NRG1: variants seen among roughly 807,000 people sequenced by gnomAD.
The protein encoded by NRG1 is neuregulin 1.
Under a neutral mutation model 63.8 loss-of-function variants are expected in NRG1, and 18 were observed. The observed-to-expected ratio is 0.28, with a 90% CI of 0.19 to 0.42. NRG1 has a LOEUF of 0.42. NRG1 is among the 10% of genes least tolerant of loss of function. The pLI is 1.00. For missense variants in NRG1, 762 were observed against 814.7 expected (o/e 0.94, Z 0.79); for synonymous variants, 302 against 301.3 (o/e 1.00, Z -0.02).
At position 31,934,285 on chromosome 8, in the gene NRG1, C is replaced by A. The variant is rs192783864; in HGVS notation, c.37+294854C>A. Among the ~76,000 whole-genome samples, 428 of 151,788 alleles carry A rather than the reference C, an allele frequency of 2.8e-3. 1 individual carries two copies. Among genetic ancestry groups the A allele is most frequent in the African/African-American group, 9.9e-3 (410 of 41,388 alleles). On this transcript the variant is annotated intron_variant, in intron 1 of 10. Transcript: ENST00000519301. ...GAGAAAGGAGCTTATTACAAATATTCATAGATGTGATATATATGTGTACAT... is the reference window on the plus strand; with the variant it reads ...GAGAAAGGAGCTTATTACAAATATTAATAGATGTGATATATATGTGTACAT...
intron 1 of NRG1, among the ~76,000 whole-genome samples, chr8:32,271,843 G>T (rs1217820552): frequency 6.6e-6 from 1 of 152,140 alleles, no homozygotes; most frequent in Non-Finnish European, 1.5e-5. Context: ...CTAGGAGTCA[G>T]AAAAGGCCCT....
intron 1 of NRG1, among the ~76,000 whole-genome samples, chr8:31,767,410 TC>T (rs1243350319): frequency 6.6e-6 from 1 of 152,222 alleles, no homozygotes; most frequent in Admixed American, 6.5e-5. Flanking sequence ...TTTTCTAATA[TC>T]CCAGTGTTGT....
chr8:31,991,533 G>A (rs1225453281), intron 1 of NRG1, among the ~76,000 whole-genome samples: 1 of 151,866 alleles, frequency 6.6e-6, no homozygotes, highest in Admixed American at 6.6e-5. Flanking sequence ...TTTAATACAA[G>A]TGTGTTAATA....
At chr8:31,733,494 A>G (rs180757387) in intron 1 of NRG1, among the ~76,000 whole-genome samples, 44 of 152,322 alleles carry the variant, frequency 2.9e-4, no homozygotes, top group Middle Eastern at 3.4e-3. Context: ...GTTCTTTCCC[A>G]GAGGCTACAG....
In NRG1 at chr8:31,873,315, C is replaced by CTT. The variant is rs1242745972; in HGVS notation, c.37+233886_37+233887dup. Among the ~76,000 whole-genome samples, 4 of 152,232 alleles carry CTT rather than the reference C, an allele frequency of 2.6e-5. No homozygotes were observed. The East Asian group carries it at 7.7e-4, about 29-fold the overall frequency. ...ATGGCTCATGCCTGTAATTGTAGCA[C>CTT]TTTGGGAGGCTGATGTGGGTGGATC... On this transcript the variant is annotated intron_variant, in intron 1 of 10. Transcript: ENST00000519301.
intron 1 of NRG1, among the ~76,000 whole-genome samples, chr8:32,566,886 C>T (rs185249191): frequency 6.6e-6 from 1 of 152,220 alleles, no homozygotes; most frequent in Non-Finnish European, 1.5e-5. Flanking sequence ...CATGGTCTTG[C>T]TCTGTGGCCC....
chr8:32,740,413 C>T (rs1826043236), intron 6 of NRG1, among the ~76,000 whole-genome samples: 1 of 152,008 alleles, frequency 6.6e-6, no homozygotes, highest in African/African-American at 2.4e-5. Flanking sequence ...CCAGGCTGGT[C>T]TCAAACACCT....
chr8:31,703,755 G>A (rs995711810), intron 1 of NRG1, among the ~76,000 whole-genome samples: 1 of 152,058 alleles, frequency 6.6e-6, no homozygotes, highest in Admixed American at 6.5e-5. Context: ...TTGTTCCTTT[G>A]GTCAGGAATC....
At chr8:32,683,331 C>T (rs1427358965) in intron 5 of NRG1, among the ~76,000 whole-genome samples, 2 of 152,248 alleles carry the variant, frequency 1.3e-5, no homozygotes, top group African/African-American at 4.8e-5. Flanking sequence ...CTCAGCACTG[C>T]AGAACAACAC....
intron 1 of NRG1, among the ~76,000 whole-genome samples, chr8:32,477,789 G>GTAA (rs373029275): frequency 6.6e-6 from 1 of 152,274 alleles, no homozygotes; most frequent in Non-Finnish European, 1.5e-5. Flanking sequence ...CATAAAAATA[G>GTAA]TAATATCTGT....
chr8:31,651,515 G>T (rs1044409933), intron 1 of NRG1, among the ~76,000 whole-genome samples: 5 of 152,202 alleles, frequency 3.3e-5, no homozygotes, highest in Middle Eastern at 3.4e-3. Context: ...TGGAGAGCTT[G>T]GTTTTCAGGG....
At chr8:31,785,353 A>G (rs1433052539) in intron 1 of NRG1, among the ~76,000 whole-genome samples, 2 of 152,142 alleles carry the variant, frequency 1.3e-5, no homozygotes, top group South Asian at 2.1e-4. Flanking sequence ...TAGAAAACTG[A>G]ACGTGGAACC....
intron 1 of NRG1, among the ~76,000 whole-genome samples, chr8:32,239,210 C>A (rs775840753): frequency 1.4e-5 from 2 of 147,886 alleles, no homozygotes; most frequent in Admixed American, 6.8e-5. Flanking sequence ...CAGAGACAAA[C>A]AAATATGCCT....
intron 1 of NRG1, among the ~76,000 whole-genome samples, chr8:32,525,886 T>A (rs1183713130): frequency 6.6e-6 from 1 of 152,216 alleles, no homozygotes; most frequent in Non-Finnish European, 1.5e-5. Context: ...TACAAATTCA[T>A]CAGCTGCCCA....
intron 1 of NRG1, among the ~76,000 whole-genome samples, chr8:32,085,216 A>C (rs1828040253): frequency 6.6e-6 from 1 of 152,124 alleles, no homozygotes; most frequent in African/African-American, 2.4e-5. Context: ...TTCATTGTTT[A>C]TTTCCTTGTA....
chr8:32,620,746 C>T (rs1026750592), intron 5 of NRG1, among the ~76,000 whole-genome samples: 3 of 151,696 alleles, frequency 2.0e-5, no homozygotes, highest in Admixed American at 6.6e-5. Flanking sequence ...CACCTGAGCC[C>T]GGGAGTTTGA....
At chr8:32,051,288 C>T (rs940099557) in intron 1 of NRG1, among the ~76,000 whole-genome samples, 3 of 152,114 alleles carry the variant, frequency 2.0e-5, no homozygotes, top group Non-Finnish European at 2.9e-5. Flanking sequence ...AGGTCCAGTG[C>T]ATGCACTTGG....
intron 1 of NRG1, among the ~76,000 whole-genome samples, chr8:32,342,502 G>A (rs1253509052): frequency 1.3e-5 from 2 of 152,128 alleles, no homozygotes; most frequent in Non-Finnish European, 2.9e-5. Context: ...TGTACAGAAG[G>A]TTTAAGTAGC....
At chr8:32,103,226 A>C (rs1189134001) in intron 1 of NRG1, among the ~76,000 whole-genome samples, 2 of 152,030 alleles carry the variant, frequency 1.3e-5, no homozygotes, top group African/African-American at 4.8e-5. Flanking sequence ...TCCATTCTCT[A>C]TCTCCATGGG....
Sources: gnomAD v4.1 joint callset for allele counts (sites outside exome capture counted in the v4.1 genomes callset) on GRCh38, gnomAD v4.1.1 for gene constraint, MANE v1.5 for transcripts, NCBI Gene and HGNC (gene_info 2026-07-23, HGNC 2026-07-21) for gene names.